The following SMAD7 variants were observed in gnomAD, a reference collection of about 807,000 sequenced individuals.
SMAD7 encodes MAD (mothers against decapentaplegic, Drosophila) homolog 7.
A neutral mutation model predicts 38.7 loss-of-function variants in SMAD7; 8 were observed. The ratio of observed to expected loss-of-function variants is 0.21; its 90% CI spans 0.12 to 0.37. SMAD7 has a LOEUF of 0.37. Ranked by LOEUF, SMAD7 falls within the 10% of genes least tolerant of loss-of-function variation. SMAD7 has a pLI of 1.00. For missense variants in SMAD7, 477 were observed against 577.9 expected (o/e 0.83, Z 1.79); for synonymous variants, 327 against 265.1 (o/e 1.23, Z -2.27).
chr18:48,920,610 C>T lies in SMAD7; in HGVS notation c.*762G>A. 1 of 152,558 alleles carries T rather than the reference C, an allele frequency of 6.6e-6. No homozygotes were observed. The highest frequency in any genetic ancestry group is 1.5e-5 in the Non-Finnish European group (1 of 68,180). The allele number at this position is 152,558 out of a possible 1,614,324, so 9.5% of individuals were successfully genotyped here. A position where few individuals can be genotyped will look rare whatever the true frequency, so the allele number is the denominator to read the frequency against. ...GGCTGCCCCGGCAGCCCTTGGGAAGCCCATCTCAGGGAGATCCAGGAGCAG... is the reference window on the plus strand; with the variant it reads ...GGCTGCCCCGGCAGCCCTTGGGAAGTCCATCTCAGGGAGATCCAGGAGCAG... On this transcript the variant is annotated 3_prime_UTR_variant, in exon 4 of 4. Coordinates refer to ENST00000262158, the MANE Select transcript of SMAD7 (RefSeq NM_005904.4).
intron 3 of SMAD7, among the ~76,000 whole-genome samples, chr18:48,923,879 A>G (rs1056174469): frequency 2.0e-5 from 3 of 152,242 alleles, no homozygotes; most frequent in African/African-American, 7.2e-5. Flanking sequence ...CAAGACAGGG[A>G]CAGGGAGAAG....
At chr18:48,943,219 A>T (rs1487613760) in intron 2 of SMAD7, among the ~76,000 whole-genome samples, 6 of 152,170 alleles carry the variant, frequency 3.9e-5, no homozygotes, top group Admixed American at 3.9e-4. Flanking sequence ...GGCTAGTCCA[A>T]ACCCCTCATC....
At chr18:48,932,981 G>C (rs1460491859) in intron 3 of SMAD7, among the ~76,000 whole-genome samples, 4 of 152,136 alleles carry the variant, frequency 2.6e-5, no homozygotes, top group African/African-American at 9.7e-5. Context: ...CTGGCGCTAG[G>C]CTGGTCACTT....
At chr18:48,925,298 A>G (rs1425914419) in intron 3 of SMAD7, among the ~76,000 whole-genome samples, 1 of 152,238 alleles carries the variant, frequency 6.6e-6, no homozygotes, top group African/African-American at 2.4e-5. Context: ...AAAGCATCCA[A>G]AAGAAAAGCT....
chr18:48,948,484 A>C, intron 1 of SMAD7, 47 bp from the exon 2 acceptor site: 1 of 1,375,716 alleles, frequency 7.3e-7, no homozygotes, highest in Non-Finnish European at 1.0e-6. Flanking sequence ...CCATGAGAAG[A>C]GAGATAGAAA....
intron 3 of SMAD7, among the ~76,000 whole-genome samples, chr18:48,930,681 T>C (rs57279941): frequency 0.064 from 9,659 of 151,024 alleles, 1,045 homozygotes; most frequent in African/African-American, 0.22. Flanking sequence ...CCCACCCCGG[T>C]GGGTAGGGCT....
At chr18:48,940,662 G>C (rs1051393503) in intron 3 of SMAD7, among the ~76,000 whole-genome samples, 1 of 152,206 alleles carries the variant, frequency 6.6e-6, no homozygotes, top group Non-Finnish European at 1.5e-5. Flanking sequence ...TGAGGCAGGA[G>C]AATTGCTTGA....
rs574705163 is a variant in SMAD7 at position 48,928,086 on chromosome 18, A to G, written c.743-6176T>C. ...CTTTTAGAGCTGCGCATGGGGTGCA[A>G]CTCCCCTGCAGCAAGAAGTGGGGGG... is the stretch of plus-strand genomic sequence containing the variant. On this transcript the variant is annotated intron_variant, in intron 3 of 3. Transcript: ENST00000262158. Among the ~76,000 whole-genome samples, 3 of 152,190 alleles carry G rather than the reference A, an allele frequency of 2.0e-5. No individual in the cohort carries two copies. In the East Asian group the frequency reaches 5.8e-4, roughly 29 times the overall value.
At chr18:48,928,868 G>C (rs532638118) in intron 3 of SMAD7, among the ~76,000 whole-genome samples, 25 of 152,106 alleles carry the variant, frequency 1.6e-4, no homozygotes, top group Non-Finnish European at 3.2e-4. Flanking sequence ...AGGGTGGCAC[G>C]GGGCAGGGGA....
At chr18:48,945,630 G>GTTAA (rs2070186881) in intron 2 of SMAD7, among the ~76,000 whole-genome samples, 4 of 152,110 alleles carry the variant, frequency 2.6e-5, no homozygotes, top group Non-Finnish European at 4.4e-5. Context: ...GAGGGACCTC[G>GTTAA]GTTAAGAGAG....
At chr18:48,944,054 A>G (rs1333225419) in intron 2 of SMAD7, among the ~76,000 whole-genome samples, 1 of 152,224 alleles carries the variant, frequency 6.6e-6, no homozygotes, top group Non-Finnish European at 1.5e-5. Flanking sequence ...TAACAGGAAT[A>G]TACAGTTTTA....
chr18:48,921,154 CA>C lies in SMAD7; in HGVS notation c.*217del, dbSNP rs573781177. On this transcript the variant is annotated 3_prime_UTR_variant, in exon 4 of 4. Coordinates refer to ENST00000262158, the MANE Select transcript of SMAD7 (RefSeq NM_005904.4). The surrounding 1 kb of genome is among the most constrained non-coding windows in gnomAD (Gnocchi z 6.4). ...TGCCGATCATACCTGCCCCTTCTTC[CA>C]AAAAAACCCCCAACAATTCTTTTCA... is the stretch of plus-strand genomic sequence containing the variant. The C allele has an allele frequency of 1.6e-4, 90 of 553,666 alleles. No homozygotes were observed. Among genetic ancestry groups the C allele is most frequent in the Middle Eastern group, 4.7e-4 (1 of 2,112 alleles). 34.3% of individuals were successfully genotyped at this position (553,666 alleles called of 1,614,324 possible).
intron 2 of SMAD7, among the ~76,000 whole-genome samples, chr18:48,947,052 G>C (rs1057106428): frequency 3.3e-5 from 5 of 152,182 alleles, no homozygotes; most frequent in Non-Finnish European, 7.3e-5. Flanking sequence ...GATTCTTTAA[G>C]CCAAAACCCA....
Position 48,929,569 on chromosome 18 carries a change from T to TCTCACACACACACACACACACA in SMAD7, c.743-7660_743-7659insTGTGTGTGTGTGTGTGTGTGAG, listed in dbSNP as rs3082710. Among the ~76,000 whole-genome samples the TCTCACACACACACACACACACA allele has an allele frequency of 2.5e-3, 286 of 114,590 alleles. 4 individuals are homozygous for TCTCACACACACACACACACACA. Among genetic ancestry groups the TCTCACACACACACACACACACA allele is most frequent in the East Asian group, 9.8e-3 (36 of 3,670 alleles). The allele number at this position is 114,590 out of a possible 152,430, so 75.2% of individuals were successfully genotyped here. A position where few individuals can be genotyped will look rare whatever the true frequency, so the allele number is the denominator to read the frequency against. ...CTCTCTTTCTCTCTCTCTCTCTCTC[T>TCTCACACACACACACACACACA]CACTCACACACACACACACACACAC... On this transcript the variant is annotated intron_variant, in intron 3 of 3. Coordinates refer to ENST00000262158, the MANE Select transcript of SMAD7 (RefSeq NM_005904.4).
chr18:48,948,501 A>G (rs1191846032), intron 1 of SMAD7, 64 bp from the exon 2 acceptor site: 5 of 1,153,512 alleles, frequency 4.3e-6, no homozygotes, highest in South Asian at 1.4e-5. Flanking sequence ...GAAACTTATG[A>G]TAACAGAGGC....
At position 48,921,165 on chromosome 18, in the gene SMAD7, C is replaced by T. The variant is rs1411228682; in HGVS notation, c.*207G>A. Reference sequence around the variant, plus strand: ...CCTGCCCCTTCTTCCAAAAAAACCCCCAACAATTCTTTTCATAAGCTATTT... The same window carrying T: ...CCTGCCCCTTCTTCCAAAAAAACCCTCAACAATTCTTTTCATAAGCTATTT... On this transcript the variant is annotated 3_prime_UTR_variant, in exon 4 of 4. Coordinates refer to ENST00000262158, the MANE Select transcript of SMAD7 (RefSeq NM_005904.4). The surrounding 1 kb of genome is among the most constrained non-coding windows in gnomAD (Gnocchi z 6.4). The T allele has an allele frequency of 1.8e-6, 1 of 565,618 alleles. No homozygotes were observed. The highest frequency in any genetic ancestry group is 3.0e-5 in the East Asian group (1 of 33,836). The allele number at this position is 565,618 out of a possible 1,614,324, so 35.0% of individuals were successfully genotyped here.
intron 3 of SMAD7, among the ~76,000 whole-genome samples, chr18:48,926,686 C>T (rs896791963): frequency 6.6e-6 from 1 of 152,198 alleles, no homozygotes; most frequent in Non-Finnish European, 1.5e-5. Flanking sequence ...AACCTGGGAG[C>T]GCAAACATCA....
At chr18:48,934,503 C>T (rs2070040812) in intron 3 of SMAD7, among the ~76,000 whole-genome samples, 1 of 151,744 alleles carries the variant, frequency 6.6e-6, no homozygotes. Context: ...GAGCTAATGA[C>T]ACTGGGTGGG....
intron 3 of SMAD7, among the ~76,000 whole-genome samples, chr18:48,937,842 C>T (rs1217792144): frequency 1.3e-5 from 2 of 152,234 alleles, no homozygotes; most frequent in Non-Finnish European, 2.9e-5. Flanking sequence ...CGCTCATGAG[C>T]ATTTGGATGA....
Sources: gnomAD v4.1 joint callset for allele counts (sites outside exome capture counted in the v4.1 genomes callset) on GRCh38, gnomAD v4.1.1 for gene constraint, Gnocchi (gnomAD v3.1) non-coding constraint, MANE v1.5 for transcripts, NCBI Gene and HGNC (gene_info 2026-07-23, HGNC 2026-07-21) for gene names.